Variants in APCDD1 observed in about 807,000 individuals in gnomAD.
APCDD1 encodes the protein protein APCDD1.
Under a neutral mutation model 38.1 loss-of-function variants are expected in APCDD1, and 15 were observed. That is an observed-to-expected ratio of 0.39 (90% CI 0.26 to 0.61). APCDD1 has a LOEUF of 0.61. Among genes scored for constraint, APCDD1 ranks in the 20% least tolerant of loss-of-function variants. The pLI is 0.49. For synonymous variants in APCDD1, 261 were observed against 279.7 expected, an observed-to-expected ratio of 0.93 and a Z score of 0.67; for missense variants, 647 against 696.2, an observed-to-expected ratio of 0.93 and a Z score of 0.79.
At position 10,475,339 on chromosome 18, in the gene APCDD1, C is replaced by T. The variant is rs1251691008; in HGVS notation, c.774+3278C>T. Among the ~76,000 whole-genome samples, 1 of 152,142 alleles carries T rather than the reference C, an allele frequency of 6.6e-6. No individual in the cohort carries two copies. The highest frequency in any genetic ancestry group is 1.5e-5 in the Non-Finnish European group (1 of 68,028). On this transcript the variant is annotated intron_variant, in intron 3 of 4. Coordinates refer to ENST00000355285, the MANE Select transcript of APCDD1 (RefSeq NM_153000.5). The surrounding 1 kb of genome is among the most constrained non-coding windows in gnomAD (Gnocchi z 4.0). ...GACTCTTTAAATCCCAGGCCTGATTCCTTGATGACAGAAAATTAAGGTGGA... is the reference window on the plus strand; with the variant it reads ...GACTCTTTAAATCCCAGGCCTGATTTCTTGATGACAGAAAATTAAGGTGGA...
chr18:10,485,490 G>A lies in APCDD1; in HGVS notation c.803G>A (p.Arg268Gln), dbSNP rs779421245. 2.7e-5 allele frequency: 44 copies of A among 1,613,958 alleles called. No individual in the cohort carries two copies. The East Asian group carries it at 4.9e-4, about 18-fold the overall frequency. ...CACGACCATGCCTGCATCGCCTGTC[G>A]GATCATCTATCGGTCAGACGAGCAC... is the stretch of plus-strand genomic sequence containing the variant. ...KNHDHACIAC[R>Q]IIYRSDEHHP... is the part of the protein sequence containing the mutation. Residue 268 changes from arginine to glutamine, a missense_variant, in exon 4 of 5, where the codon CGG becomes CAG. By Grantham distance (43) the Arg-to-Gln change is conservative (BLOSUM62 1). Coordinates refer to ENST00000355285, the MANE Select transcript of APCDD1 (RefSeq NM_153000.5). The surrounding 1 kb of genome is among the most constrained non-coding windows in gnomAD (Gnocchi z 5.8).
At chr18:10,487,278 G>A (rs1442846220) in intron 4 of APCDD1, among the ~76,000 whole-genome samples, 1 of 152,222 alleles carries the variant, frequency 6.6e-6, no homozygotes, top group Non-Finnish European at 1.5e-5. Context: ...ACTCCGAGCT[G>A]TAGTTTTATT....
intron 1 of APCDD1, among the ~76,000 whole-genome samples, chr18:10,463,932 C>A (rs1257629333): frequency 6.6e-6 from 1 of 152,146 alleles, no homozygotes; most frequent in African/African-American, 2.4e-5. Context: ...TCCATCTGGC[C>A]GCTCACATGG....
intron 1 of APCDD1, among the ~76,000 whole-genome samples, chr18:10,461,588 TA>T (rs2030542635): frequency 6.6e-6 from 1 of 152,322 alleles, no homozygotes; most frequent in African/African-American, 2.4e-5. Flanking sequence ...GATATATACA[TA>T]AAGTGAATTG....
chr18:10,459,922 C>T (rs959069572), intron 1 of APCDD1, among the ~76,000 whole-genome samples: 6 of 152,198 alleles, frequency 3.9e-5, no homozygotes, highest in Non-Finnish European at 5.9e-5. Flanking sequence ...AGTACAGAAA[C>T]TTGCAAAATG....
intron 4 of APCDD1, among the ~76,000 whole-genome samples, chr18:10,487,224 C>G (rs1311314809): frequency 6.6e-6 from 1 of 152,194 alleles, no homozygotes; most frequent in Non-Finnish European, 1.5e-5. Flanking sequence ...ATTTTTCTTT[C>G]AATCCCAACG....
chr18:10,460,507 T>C (rs895879487), intron 1 of APCDD1, among the ~76,000 whole-genome samples: 5 of 145,462 alleles, frequency 3.4e-5, no homozygotes, highest in African/African-American at 1.3e-4. Flanking sequence ...CCCTCCAGTC[T>C]GGGTGACAGA....
chr18:10,485,007 G>A lies in APCDD1; in HGVS notation c.775-455G>A, dbSNP rs1235452128. Among the ~76,000 whole-genome samples the A allele has an allele frequency of 6.6e-6, 1 of 152,010 alleles. No homozygotes were observed. Among genetic ancestry groups the A allele is most frequent in the Non-Finnish European group, 1.5e-5 (1 of 68,012 alleles). On this transcript the variant is annotated intron_variant, in intron 3 of 4. Coordinates refer to ENST00000355285, the MANE Select transcript of APCDD1 (RefSeq NM_153000.5). The surrounding 1 kb of genome is among the most constrained non-coding windows in gnomAD (Gnocchi z 5.8). ...TTTGTTTTGTTTTGTTTTGTTTTTT[G>A]AGGAACCACCTTACTGTTTTCCATA...
At chr18:10,468,864 A>T (rs912389918) in intron 2 of APCDD1, among the ~76,000 whole-genome samples, 4 of 152,246 alleles carry the variant, frequency 2.6e-5, no homozygotes, top group South Asian at 2.1e-4. Flanking sequence ...AGCAGAGATT[A>T]TATTGTACTC....
At chr18:10,457,448 A>G (rs374374132) in intron 1 of APCDD1, among the ~76,000 whole-genome samples, 4 of 152,380 alleles carry the variant, frequency 2.6e-5, no homozygotes, top group East Asian at 1.9e-4. Context: ...ATATTTAAAT[A>G]GAAGTTATAA....
At chr18:10,473,777 G>T (rs76349734) in intron 3 of APCDD1, among the ~76,000 whole-genome samples, 1 of 152,154 alleles carries the variant, frequency 6.6e-6, no homozygotes, top group South Asian at 2.1e-4. Context: ...TGGCAGCACT[G>T]CCCAAAGGCG....
At chr18:10,473,383 A>T (rs1392281718) in intron 3 of APCDD1, among the ~76,000 whole-genome samples, 1 of 152,222 alleles carries the variant, frequency 6.6e-6, no homozygotes, top group East Asian at 1.9e-4. Context: ...CAGGCCCAGC[A>T]TTCCTGCCGG....
intron 3 of APCDD1, among the ~76,000 whole-genome samples, chr18:10,480,591 G>T (rs972868737): frequency 3.3e-5 from 5 of 152,136 alleles, no homozygotes; most frequent in African/African-American, 1.2e-4. Flanking sequence ...GCTTCTTCAT[G>T]ACTGCTAAAG....
chr18:10,471,959 C>A lies in APCDD1; in HGVS notation c.672C>A (p.Asp224Glu), dbSNP rs889016458. 1 of 1,613,974 alleles carries A rather than the reference C, an allele frequency of 6.2e-7. No individual in the cohort carries two copies. The highest frequency in any genetic ancestry group is 1.3e-5 in the African/African-American group (1 of 74,948). The change falls in exon 3 of 5, where the codon GAC becomes GAA. Residue 224 changes from aspartate (D) to glutamate (E), a missense_variant. Coordinates refer to ENST00000355285, the MANE Select transcript of APCDD1 (RefSeq NM_153000.5). This position sits in a 1 kb window ranked among gnomAD's most constrained non-coding sequence, Gnocchi z 5.5. ...AGCAGTACCTTCACCACAACCTCGACCACCTGGTCGAGGAGCTCTTCCTTG... is the reference window on the plus strand; with the variant it reads ...AGCAGTACCTTCACCACAACCTCGAACACCTGGTCGAGGAGCTCTTCCTTG... ...VEKQYLHHNL[D>E]HLVEELFLGD...
At chr18:10,463,443 C>CAGG (rs2030622540) in intron 1 of APCDD1, among the ~76,000 whole-genome samples, 1 of 152,210 alleles carries the variant, frequency 6.6e-6, no homozygotes, top group South Asian at 2.1e-4. Context: ...GCAACAAACA[C>CAGG]AGGAGCTCCT....
At position 10,476,781 on chromosome 18, in the gene APCDD1, C is replaced by A. The variant is rs774630414; in HGVS notation, c.774+4720C>A. 1 of 152,178 alleles carries A rather than the reference C, an allele frequency of 6.6e-6. No individual in the cohort carries two copies. The highest frequency in any genetic ancestry group is 2.4e-5 in the African/African-American group (1 of 41,444). 9.4% of individuals were successfully genotyped at this position (152,178 alleles called of 1,614,324 possible). A position where few individuals can be genotyped will look rare whatever the true frequency, so the allele number is the denominator to read the frequency against. The stretch of plus-strand genomic sequence containing the variant: ...ACATGTACAGCAGGGGAGCTACACA[C>A]GGGAGGGAGAAAAGCACCGGGCTTT... On this transcript the variant is annotated intron_variant, in intron 3 of 4. Coordinates refer to ENST00000355285, the MANE Select transcript of APCDD1 (RefSeq NM_153000.5). The surrounding 1 kb of genome is among the most constrained non-coding windows in gnomAD (Gnocchi z 5.8).
chr18:10,462,900 T>G (rs1039588868), intron 1 of APCDD1, among the ~76,000 whole-genome samples: 2 of 142,890 alleles, frequency 1.4e-5, no homozygotes, highest in South Asian at 4.3e-4. Context: ...GCTTTCAATC[T>G]GTCCCCCATG....
intron 1 of APCDD1, among the ~76,000 whole-genome samples, chr18:10,463,654 C>A (rs1321459252): frequency 1.3e-5 from 2 of 152,174 alleles, no homozygotes; most frequent in Non-Finnish European, 2.9e-5. Context: ...TTTGCCACAT[C>A]AGATGAGCCA....
intron 1 of APCDD1, among the ~76,000 whole-genome samples, chr18:10,460,258 G>T (rs2030499992): frequency 6.6e-6 from 1 of 152,230 alleles, no homozygotes; most frequent in African/African-American, 2.4e-5. Flanking sequence ...GCTCACGCCT[G>T]TAATCCCAGG....
Sources: gnomAD v4.1 joint callset for allele counts (sites outside exome capture counted in the v4.1 genomes callset) on GRCh38, gnomAD v4.1.1 for gene constraint, Gnocchi (gnomAD v3.1) non-coding constraint, MANE v1.5 for transcripts, NCBI Gene and HGNC (gene_info 2026-07-23, HGNC 2026-07-21) for gene names.